Variants in UNKL observed in about 807,000 individuals in gnomAD.
UNKL encodes the protein unk like zinc finger, also known as putative E3 ubiquitin-protein ligase UNKL.
In UNKL, 60 loss-of-function variants were observed where a neutral mutation model predicts 78.0. That is an observed-to-expected ratio of 0.77 (90% CI 0.63 to 0.95). The LOEUF (loss-of-function observed/expected upper bound fraction) is 0.95, where lower values mean the gene tolerates loss of function less well. Among genes scored for constraint, UNKL ranks in the 40% least tolerant of loss-of-function variants. UNKL has a pLI of 0.00. For missense variants in UNKL, 1,159 were observed against 1,045.7 expected (o/e 1.11, Z -1.49); for synonymous variants, 608 against 474.8 (o/e 1.28, Z -3.65).
intron 10 of UNKL, among the ~76,000 whole-genome samples, chr16:1,372,558 G>A (rs1349054454): frequency 6.6e-6 from 1 of 152,116 alleles, no homozygotes; most frequent in Non-Finnish European, 1.5e-5. Context: ...CCTAGAATTA[G>A]GAAGCCATCA....
chr16:1,407,103 C>G (rs902846883), intron 2 of UNKL, among the ~76,000 whole-genome samples: 1 of 149,818 alleles, frequency 6.7e-6, no homozygotes, highest in African/African-American at 2.5e-5. Flanking sequence ...GAGCCGAGAT[C>G]GTGTCACTGC....
intron 2 of UNKL, among the ~76,000 whole-genome samples, chr16:1,409,166 C>A (rs1054223833): frequency 6.6e-6 from 1 of 152,188 alleles, no homozygotes; most frequent in African/African-American, 2.4e-5. Flanking sequence ...CCCGCCTCGG[C>A]CTCCCAAAGT....
At chr16:1,392,294 T>C (rs1311548681) in intron 8 of UNKL, among the ~76,000 whole-genome samples, 2 of 152,266 alleles carry the variant, frequency 1.3e-5, no homozygotes, top group South Asian at 2.1e-4. Context: ...GAATTCCCTC[T>C]GTGAAGGTGT....
chr16:1,390,604 G>A (rs906525841), intron 9 of UNKL, 28 bp downstream of exon 9: 34 of 1,535,290 alleles, frequency 2.2e-5, no homozygotes, highest in African/African-American at 5.5e-5. Context: ...CATCAGGCAC[G>A]AGGGTGGGAA....
At chr16:1,406,408 T>C (rs1434134271) in intron 2 of UNKL, among the ~76,000 whole-genome samples, 1 of 152,136 alleles carries the variant, frequency 6.6e-6, no homozygotes, top group African/African-American at 2.4e-5. Context: ...AGACAGGGTT[T>C]CACCATGTTG....
At position 1,403,420 on chromosome 16, in the gene UNKL, C is replaced by T. The variant is rs2037619207; in HGVS notation, c.288-76G>A. ...GCCCTAAGCTCCCTGGGTCCACGCC[C>T]TGTCAGCACGTGGCAAGCAGTGAAT... On this transcript the variant is annotated intron_variant, in intron 2 of 14. Coordinates refer to ENST00000389221, the MANE Select transcript of UNKL (RefSeq NM_001372107.1). This position sits in a 1 kb window ranked among gnomAD's most constrained non-coding sequence, Gnocchi z 4.8. 26 of 1,506,386 alleles carry T rather than the reference C, an allele frequency of 1.7e-5. No homozygotes were observed. Among genetic ancestry groups the T allele is most frequent in the Non-Finnish European group, 2.2e-5 (25 of 1,116,474 alleles). 93.3% of individuals were successfully genotyped at this position (1,506,386 alleles called of 1,614,324 possible).
At chr16:1,378,157 C>A (rs1056671975) in intron 10 of UNKL, among the ~76,000 whole-genome samples, 1 of 152,216 alleles carries the variant, frequency 6.6e-6, no homozygotes, top group Non-Finnish European at 1.5e-5. Context: ...GGAATGCCCC[C>A]CACTACATCC....
In UNKL at chr16:1,367,639, C is replaced by T; in HGVS notation, c.1788+17G>A. The T allele has an allele frequency of 9.0e-6, 10 of 1,111,236 alleles. No homozygotes were observed. The highest frequency in any genetic ancestry group is 1.3e-5 in the Non-Finnish European group (10 of 769,300). The allele number at this position is 1,111,236 out of a possible 1,614,324, so 68.8% of individuals were successfully genotyped here. ...CCCTCCCTCCCCCTCACCTGTCTGG[C>T]CCCCCCACACACTCACCTGCTTCAC... On this transcript the variant is annotated intron_variant, in intron 13 of 14. Transcript: ENST00000389221.
chr16:1,401,454 C>T, intron 4 of UNKL, 114 bp downstream of exon 4: 1 of 1,287,224 alleles, frequency 7.8e-7, no homozygotes, highest in Non-Finnish European at 1.0e-6. Flanking sequence ...TCGGTTTCCC[C>T]ATCTGATCAC....
At chr16:1,377,517 C>T (rs1169057408) in intron 10 of UNKL, among the ~76,000 whole-genome samples, 1 of 151,990 alleles carries the variant, frequency 6.6e-6, no homozygotes. Context: ...ACTCCCCCTG[C>T]AGCTGTTTTC....
intron 10 of UNKL, chr16:1,379,794 C>G (rs1360326253): frequency 2.5e-6 from 2 of 788,660 alleles, no homozygotes; most frequent in African/African-American, 1.9e-5. Context: ...AACCTTCCCC[C>G]CGACTCGGGC....
At chr16:1,394,375 G>C in intron 6 of UNKL, 160 bp from the exon 7 acceptor site, 1 of 832,676 alleles carries the variant, frequency 1.2e-6, no homozygotes, top group East Asian at 2.7e-5. Context: ...GTGTGCCCTT[G>C]GTCCCCACAT....
At chr16:1,414,128 C>A in intron 1 of UNKL, 73 bp from the exon 2 acceptor site, 1 of 1,430,520 alleles carries the variant, frequency 7.0e-7, no homozygotes, top group Non-Finnish European at 9.4e-7. Context: ...GGCGGCGGGA[C>A]CCACCGGCCT....
In UNKL at chr16:1,387,003, GAA is replaced by G. The variant is rs2036843298; in HGVS notation, c.1087-1620_1087-1619del. Among the ~76,000 whole-genome samples the G allele has an allele frequency of 2.0e-5, 3 of 152,118 alleles. No individual in the cohort carries two copies. The highest frequency in any genetic ancestry group is 7.2e-5 in the African/African-American group (3 of 41,420). On this transcript the variant is annotated intron_variant, in intron 9 of 14. Coordinates refer to ENST00000389221, the MANE Select transcript of UNKL (RefSeq NM_001372107.1). This position sits in a 1 kb window ranked among gnomAD's most constrained non-coding sequence, Gnocchi z 4.1. ...CAGAGACCACTTTTCCTCAAGCCAT[GAA>G]AAAACGGACCACAGTCCACCCCGTG...
At chr16:1,393,074 GCCT>G (rs2037114131) in intron 7 of UNKL, 98 bp from the exon 8 acceptor site, 1 of 1,270,986 alleles carries the variant, frequency 7.9e-7, no homozygotes, top group Non-Finnish European at 1.1e-6. Context: ...AGTGTGCGCA[GCCT>G]CGTCACAATC....
chr16:1,398,676 T>TCTG, intron 5 of UNKL: 3 of 1,427,134 alleles, frequency 2.1e-6, no homozygotes, highest in South Asian at 1.4e-5. Flanking sequence ...CCCTGTGGGG[T>TCTG]CTGCACCCCC....
intron 8 of UNKL, among the ~76,000 whole-genome samples, chr16:1,391,115 A>G (rs1329179916): frequency 1.3e-5 from 2 of 151,796 alleles, no homozygotes; most frequent in East Asian, 1.9e-4. Flanking sequence ...ATACCACCGC[A>G]CTGCAGGCTG....
rs1258230513 is a variant in UNKL at position 1,401,556 on chromosome 16, C to T, written c.598+12G>A. The T allele has an allele frequency of 6.5e-7, 1 of 1,542,770 alleles. No individual in the cohort carries two copies. The highest frequency in any genetic ancestry group is 8.8e-7 in the Non-Finnish European group (1 of 1,137,346). On this transcript the variant is annotated intron_variant, in intron 4 of 14. Coordinates refer to ENST00000389221, the MANE Select transcript of UNKL (RefSeq NM_001372107.1). ...CCCCCACCACCGCCCTCAGCTGCGG[C>T]CGTGGAGTTACCTTGCCACCGGGGG... is the stretch of plus-strand genomic sequence containing the variant.
chr16:1,410,282 G>A (rs1218059210), intron 2 of UNKL, among the ~76,000 whole-genome samples: 1 of 142,234 alleles, frequency 7.0e-6, no homozygotes, highest in African/African-American at 2.6e-5. Context: ...AAAAAAAAAA[G>A]AGAGAAAAAG....
Sources: allele counts gnomAD v4.1 joint callset (sites outside exome capture counted in the v4.1 genomes callset), GRCh38; gene constraint gnomAD v4.1.1; non-coding constraint Gnocchi (gnomAD v3.1); transcripts MANE v1.5; gene names NCBI Gene and HGNC (gene_info 2026-07-23, HGNC 2026-07-21).